CCT4: variants seen among roughly 807,000 people sequenced by gnomAD.
CCT4 encodes chaperonin containing TCP1 subunit 4.
CCT4 carries 17 observed loss-of-function variants against 62.5 expected under a neutral mutation model. That is an observed-to-expected ratio of 0.27 (90% confidence interval 0.19 to 0.41). CCT4 has a LOEUF of 0.41. CCT4 is among the 10% of genes least tolerant of loss of function. The probability of loss-of-function intolerance (pLI) is 1.00; values close to 1 mark genes in which losing one functional copy is unlikely to be tolerated. For missense variants in CCT4, 592 were observed against 659.2 expected, an observed-to-expected ratio of 0.90 and a Z score of 1.12; for synonymous variants, 250 against 229.9, an observed-to-expected ratio of 1.09 and a Z score of -0.79.
rs1452913937 is a variant in CCT4, at chr2:61,878,999, G to A, written c.392C>T (p.Thr131Ile). The A allele has an allele frequency of 6.2e-7, 1 of 1,602,484 alleles. No individual in the cohort carries two copies. Among genetic ancestry groups the A allele is most frequent in the Non-Finnish European group, 8.5e-7 (1 of 1,175,856 alleles). ...CTTCTGGAATGACTCAGAAATGATG[G>A]TTGGATGAATCCCTGTAATTTGTGA... is the stretch of plus-strand genomic sequence containing the variant. Reference protein sequence around the residue: ...TKLLQKGIHPTIISESFQKAL... With the variant: ...TKLLQKGIHPIIISESFQKAL... Residue 131 changes from threonine (T) to isoleucine (I), a missense_variant, in exon 5 of 14, where the codon ACC (threonine) becomes ATC (isoleucine). By Grantham distance (89) the Thr-to-Ile change is moderately conservative. Transcript: ENST00000394440.
chr2:61,876,120 G>A lies in CCT4; in HGVS notation c.892C>T (p.Leu298Phe), dbSNP rs1802065. The A allele has an allele frequency of 3.7e-6, 6 of 1,603,414 alleles. No individual in the cohort carries two copies. Among genetic ancestry groups the A allele is most frequent in the Non-Finnish European group, 5.1e-6 (6 of 1,171,274 alleles). ...CTTAGAATAGATTTCTGTATGAGAA[G>A]GACATTACATCCTGTTTTTTTAATT... is the stretch of plus-strand genomic sequence containing the variant. ...KQIKKTGCNV[L>F]LIQKSILRDA... Residue 298 changes from leucine to phenylalanine, a missense_variant, in exon 8 of 14, where the codon CTT becomes TTT. Transcript: ENST00000394440.
At chr2:61,879,064 T>C in intron 4 of CCT4, 53 bp from the exon 5 acceptor site, 1 of 1,376,290 alleles carries the variant, frequency 7.3e-7, no homozygotes, top group Non-Finnish European at 9.9e-7. Context: ...ACTACACATT[T>C]GACATGGCTT....
chr2:61,888,251 G>A lies in CCT4; in HGVS notation c.127+130C>T, dbSNP rs1669304782. 7.1e-6 allele frequency: 8 copies of A among 1,130,296 alleles called. No homozygotes were observed. In the South Asian group the frequency reaches 1.1e-4, roughly 16 times the overall value. 70.0% of individuals were successfully genotyped at this position (1,130,296 alleles called of 1,614,324 possible). ...ACAGAAATAAGGATCCCTCCACTGGGCTGCTTCTATAGGGAGGACAAGAGA... is the reference window on the plus strand; with the variant it reads ...ACAGAAATAAGGATCCCTCCACTGGACTGCTTCTATAGGGAGGACAAGAGA... On this transcript the variant is annotated intron_variant, in intron 1 of 13. Coordinates refer to ENST00000394440, the MANE Select transcript of CCT4 (RefSeq NM_006430.4).
At chr2:61,874,216 T>C (rs1209978153) in intron 8 of CCT4, among the ~76,000 whole-genome samples, 3 of 152,170 alleles carry the variant, frequency 2.0e-5, no homozygotes, top group Admixed American at 6.6e-5. Context: ...CAGTAGCTAT[T>C]ATATGATTGG....
Position 61,872,220 on chromosome 2 carries a change from A to T in CCT4, c.1353T>A (p.Val451=). Residue 451 remains valine, a synonymous_variant, in exon 12 of 14, where the codon GTT becomes GTA. Transcript: ENST00000394440. ...RTLSGMESYC[V]RAFADAMEVI... is the part of the protein sequence containing the mutation. ...CCTCCATAGCATCTGCAAAAGCACG[A>T]ACGCAGTAGGATTCCATACCACTCA... 2 of 1,614,012 alleles carry T rather than the reference A, an allele frequency of 1.2e-6. No individual in the cohort carries two copies. Among genetic ancestry groups the T allele is most frequent in the Non-Finnish European group, 1.7e-6 (2 of 1,179,882 alleles).
At chr2:61,870,504 T>G (rs1668861334) in intron 12 of CCT4, among the ~76,000 whole-genome samples, 1 of 151,730 alleles carries the variant, frequency 6.6e-6, no homozygotes, top group Admixed American at 6.6e-5. Context: ...CTTAGCCTCT[T>G]GCTTAAAAAA....
intron 4 of CCT4, among the ~76,000 whole-genome samples, chr2:61,879,533 C>T (rs1669069185): frequency 6.6e-6 from 1 of 151,202 alleles, no homozygotes; most frequent in Non-Finnish European, 1.5e-5. Flanking sequence ...CAGCCTCAGC[C>T]TCCCAAAGTG....
chr2:61,880,489 T>C, intron 3 of CCT4, 95 bp from the exon 4 acceptor site: 5 of 721,854 alleles, frequency 6.9e-6, no homozygotes, highest in Non-Finnish European at 1.2e-5. Context: ...CAAACAGAAT[T>C]TGAAGATGCA....
rs1229429720 is a variant in CCT4, at chr2:61,872,307, A to G, written c.1266T>C (p.Ile422=). 1 of 1,592,906 alleles carries G rather than the reference A, an allele frequency of 6.3e-7. No homozygotes were observed. Among genetic ancestry groups the G allele is most frequent in the East Asian group, 2.2e-5 (1 of 44,446 alleles). ...IRCLVKKRAL[I]AGGGAPEIEL... The stretch of plus-strand genomic sequence containing the variant: ...CTATTTCTGGAGCACCACCTCCTGC[A>G]ATAAGAGCCCTGAAATTCACAAATA... Residue 422 remains isoleucine, a synonymous_variant, in exon 12 of 14, where the codon ATT becomes ATC. Transcript: ENST00000394440.
chr2:61,884,760 C>T (rs957830487), intron 2 of CCT4, among the ~76,000 whole-genome samples: 1 of 152,016 alleles, frequency 6.6e-6, no homozygotes, highest in African/African-American at 2.4e-5. Context: ...TCTCCAGGAG[C>T]TAGGATTACA....
At chr2:61,880,436 C>T (rs752158603) in intron 3 of CCT4, 42 bp from the exon 4 acceptor site, 36 of 1,079,842 alleles carry the variant, frequency 3.3e-5, no homozygotes, top group Non-Finnish European at 4.7e-5. Flanking sequence ...TGAGAAATGA[C>T]AGAACCCAGT....
Position 61,880,310 on chromosome 2 carries a change from A to C in CCT4, c.355T>G (p.Ser119Ala). Residue 119 changes from serine (S) to alanine (A), a missense_variant, in exon 4 of 14, where the codon TCT becomes GCT. By Grantham distance (99) the Ser-to-Ala change is moderately conservative. Transcript: ENST00000394440. Reference sequence around the variant, plus strand: ...CCTTTCTGAAGAAGCTTGGTACAAGAATCTAAGAGGGAGCCAGCAATGATG... The same window carrying C: ...CCTTTCTGAAGAAGCTTGGTACAAGCATCTAAGAGGGAGCCAGCAATGATG... ...VVIIAGSLLD[S>A]CTKLLQKGIH... 6.3e-7 allele frequency: 1 copy of C among 1,594,338 alleles called. No individual in the cohort carries two copies. The highest frequency in any genetic ancestry group is 2.3e-5 in the East Asian group (1 of 44,336).
intron 10 of CCT4, 41 bp downstream of exon 10, chr2:61,872,961 C>T (rs1196881183): frequency 2.5e-6 from 3 of 1,181,676 alleles, no homozygotes; most frequent in South Asian, 1.2e-5. Context: ...AACCCCATAC[C>T]CAAACCTAAG....
intron 7 of CCT4, 45 bp downstream of exon 7, chr2:61,876,874 TA>T (rs1263267201): frequency 4.6e-6 from 7 of 1,514,600 alleles, no homozygotes; most frequent in Non-Finnish European, 6.2e-6. Context: ...CCTGAGTTAT[TA>T]AAAAGTTAAA....
Position 61,885,064 on chromosome 2 carries a change from C to A in CCT4, c.136G>T (p.Asp46Tyr). 2 of 1,546,386 alleles carry A rather than the reference C, an allele frequency of 1.3e-6. No homozygotes were observed. The highest frequency in any genetic ancestry group is 1.7e-6 in the Non-Finnish European group (2 of 1,155,452). ...GGTCCAAGGCTTGTTCTAATAGCAT[C>A]AGCAACCGCTGCAGATGGGGGGGAA... is the stretch of plus-strand genomic sequence containing the variant. ...SNISAAKAVA[D>Y]AIRTSLGPKG... The change falls in exon 2 of 14, where the codon GAT becomes TAT. Residue 46 changes from aspartate to tyrosine, a missense_variant. Asp to Tyr is a radical substitution (Grantham distance 160, BLOSUM62 -3). This residue lies in a region of CCT4 where 67 missense variants were observed against 71.1 expected (regional missense o/e 0.94). Transcript: ENST00000394440.
chr2:61,884,760 C>A (rs957830487), intron 2 of CCT4, among the ~76,000 whole-genome samples: 2 of 152,016 alleles, frequency 1.3e-5, no homozygotes, highest in East Asian at 3.9e-4. Context: ...TCTCCAGGAG[C>A]TAGGATTACA....
At position 61,881,301 on chromosome 2, in the gene CCT4, T is replaced by G. The variant is rs528609307; in HGVS notation, c.271-907A>C. 5.3e-5 allele frequency among the ~76,000 whole-genome samples: 8 copies of G among 152,214 alleles called. No homozygotes were observed. In the South Asian group the frequency reaches 1.5e-3, roughly 28 times the overall value. On this transcript the variant is annotated intron_variant, in intron 3 of 13. Coordinates refer to ENST00000394440, the MANE Select transcript of CCT4 (RefSeq NM_006430.4). ...AATAGCAATATTATATATAGAGACTTTTGTCACTTCTGGATAACAAAATTT... is the reference window on the plus strand; with the variant it reads ...AATAGCAATATTATATATAGAGACTGTTGTCACTTCTGGATAACAAAATTT...
rs1478446467 is a variant in CCT4, at chr2:61,872,114, C to T, written c.1459G>A (p.Gly487Arg). 9.9e-6 allele frequency: 16 copies of T among 1,613,322 alleles called. No individual in the cohort carries two copies. The highest frequency in any genetic ancestry group is 1.4e-5 in the Non-Finnish European group (16 of 1,179,724). Reference protein sequence around the residue: ...VTELRNRHAQGEKTAGINVRK... With the variant: ...VTELRNRHAQREKTAGINVRK... Reference sequence around the variant, plus strand: ...ACATTAATGCCTGCAGTTTTTTCTCCCTGGGCATGCCGGTTTCTTAGTTCT... The same window carrying T: ...ACATTAATGCCTGCAGTTTTTTCTCTCTGGGCATGCCGGTTTCTTAGTTCT... Residue 487 changes from glycine to arginine, a missense_variant, in exon 12 of 14, where the codon GGA becomes AGA. Transcript: ENST00000394440.
At chr2:61,882,077 C>T (rs988546790) in intron 3 of CCT4, among the ~76,000 whole-genome samples, 2 of 151,966 alleles carry the variant, frequency 1.3e-5, no homozygotes, top group Admixed American at 6.6e-5. Flanking sequence ...AAATTAAAGG[C>T]ATGCACCACC....
Sources: allele counts gnomAD v4.1 joint callset (sites outside exome capture counted in the v4.1 genomes callset), GRCh38; gene constraint gnomAD v4.1.1; regional missense constraint gnomAD v4.1.1; transcripts MANE v1.5; gene names NCBI Gene and HGNC (gene_info 2026-07-23, HGNC 2026-07-21).